The following TENM2 variants were observed in gnomAD, a reference collection of about 807,000 sequenced individuals.
TENM2 encodes teneurin-2.
A neutral mutation model predicts 245.2 loss-of-function variants in TENM2; 52 were observed. The observed-to-expected ratio is 0.21, with a 90% confidence interval of 0.17 to 0.27. The LOEUF is 0.27. Among genes scored for constraint, TENM2 ranks in the 10% least tolerant of loss-of-function variants. The pLI is 1.00. For synonymous variants in TENM2, 1,363 were observed against 1,438.9 expected (o/e 0.95, Z 1.19); for missense variants, 3,046 against 3,666.8 (o/e 0.83, Z 4.37).
At chr5:167,040,988 G>A in the TENM2 span, among the ~76,000 whole-genome samples, 1 of 152,248 alleles carries the variant, frequency 6.6e-6, no homozygotes, top group African/African-American at 2.4e-5. Flanking sequence ...GTTTTGAATG[G>A]CCCTTAGGTT....
At chr5:167,681,104 C>G (rs1756675403) in intron 2 of TENM2, among the ~76,000 whole-genome samples, 1 of 152,176 alleles carries the variant, frequency 6.6e-6, no homozygotes, top group Admixed American at 6.6e-5. Flanking sequence ...AATTTTTACT[C>G]TATAATTATA....
chr5:167,847,022 T>A (rs986001882), intron 2 of TENM2, among the ~76,000 whole-genome samples: 1 of 152,170 alleles, frequency 6.6e-6, no homozygotes, highest in African/African-American at 2.4e-5. Flanking sequence ...AGTGGTGTGA[T>A]CAAGGCTCAC....
chr5:167,873,209 A>G (rs1187312603), intron 2 of TENM2, among the ~76,000 whole-genome samples: 1 of 152,248 alleles, frequency 6.6e-6, no homozygotes, highest in Non-Finnish European at 1.5e-5. Context: ...CAAAATTACA[A>G]GAAAAACTTT....
At chr5:167,034,423 G>T in the TENM2 span, among the ~76,000 whole-genome samples, 3 of 152,128 alleles carry the variant, frequency 2.0e-5, no homozygotes, top group Non-Finnish European at 4.4e-5. Flanking sequence ...GAGGTCAGGA[G>T]ATCGAGACCA....
chr5:168,061,338 A>G (rs1433676859), intron 6 of TENM2, among the ~76,000 whole-genome samples: 1 of 152,156 alleles, frequency 6.6e-6, no homozygotes, highest in Non-Finnish European at 1.5e-5. Flanking sequence ...GGGAAACCAC[A>G]CTTGGAAGTA....
At chr5:167,189,454 C>A in the TENM2 span, among the ~76,000 whole-genome samples, 1 of 151,992 alleles carries the variant, frequency 6.6e-6, no homozygotes, top group Non-Finnish European at 1.5e-5. Flanking sequence ...CAGTATGTTT[C>A]TTTTTTCTCT....
chr5:167,905,617 A>C (rs1039057410), intron 3 of TENM2, among the ~76,000 whole-genome samples: 12 of 152,218 alleles, frequency 7.9e-5, no homozygotes, highest in Admixed American at 2.6e-4. Context: ...TGTGTGGATG[A>C]GAAAACGAGG....
chr5:168,170,878 G>A (rs1313153130), intron 13 of TENM2, among the ~76,000 whole-genome samples: 2 of 152,212 alleles, frequency 1.3e-5, no homozygotes, highest in African/African-American at 2.4e-5. Flanking sequence ...TTCTCATGGA[G>A]TTAGAATCAA....
chr5:167,053,076 T>C, the TENM2 span, among the ~76,000 whole-genome samples: 1 of 152,190 alleles, frequency 6.6e-6, no homozygotes, highest in Non-Finnish European at 1.5e-5. Context: ...CTCTGTTTCA[T>C]GCTGGTTCCT....
chr5:167,278,157 A>T, the TENM2 span, among the ~76,000 whole-genome samples: 1 of 152,080 alleles, frequency 6.6e-6, no homozygotes, highest in Non-Finnish European at 1.5e-5. Context: ...TACACAAATT[A>T]TCCAGGCATG....
At chr5:168,054,873 T>C (rs1789408627) in intron 6 of TENM2, among the ~76,000 whole-genome samples, 1 of 152,220 alleles carries the variant, frequency 6.6e-6, no homozygotes, top group Admixed American at 6.5e-5. Flanking sequence ...CCCAGAAATC[T>C]CATCTCTAAG....
chr5:167,885,213 T>C (rs1339555084), intron 3 of TENM2, among the ~76,000 whole-genome samples: 2 of 152,244 alleles, frequency 1.3e-5, no homozygotes, highest in African/African-American at 4.8e-5. Flanking sequence ...CTTTTCATTC[T>C]TTGATGGTGT....
chr5:167,642,612 A>G (rs1779686221), intron 2 of TENM2, among the ~76,000 whole-genome samples: 2 of 152,176 alleles, frequency 1.3e-5, no homozygotes, highest in Non-Finnish European at 2.9e-5. Context: ...ATTGTTTCTT[A>G]TCATTCTTGT....
intron 3 of TENM2, among the ~76,000 whole-genome samples, chr5:167,912,676 A>G (rs1776641384): frequency 6.6e-6 from 1 of 152,280 alleles, no homozygotes; most frequent in Admixed American, 6.5e-5. Flanking sequence ...GGGCATGCCA[A>G]AAATGTCTGT....
At chr5:167,199,444 T>C in the TENM2 span, among the ~76,000 whole-genome samples, 4 of 152,198 alleles carry the variant, frequency 2.6e-5, no homozygotes, top group East Asian at 7.7e-4. Flanking sequence ...ATCCACTGAG[T>C]CTTCCTGGCC....
chr5:167,431,953 A>ATATATGTG, intron 2 of TENM2, among the ~76,000 whole-genome samples: 1 of 54,198 alleles, frequency 1.8e-5, no homozygotes, highest in African/African-American at 5.2e-5. Flanking sequence ...ATATATGTAT[A>ATATATGTG]TATATATGTA....
chr5:167,520,173 A>C (rs1045058944), intron 2 of TENM2, among the ~76,000 whole-genome samples: 3 of 152,196 alleles, frequency 2.0e-5, no homozygotes, highest in African/African-American at 7.2e-5. Flanking sequence ...GGAACTGTGC[A>C]GTTGAGTTTT....
chr5:168,256,291 A>G (rs911630655), intron 27 of TENM2, among the ~76,000 whole-genome samples: 1 of 151,526 alleles, frequency 6.6e-6, no homozygotes, highest in African/African-American at 2.4e-5. Context: ...CAAAGTTGAG[A>G]AACCAGTGCT....
downstream of TENM2, chr5:168,263,895 C>G (rs1320831595): frequency 6.6e-6 from 1 of 152,060 alleles, no homozygotes; most frequent in Non-Finnish European, 1.5e-5. Context: ...GAGACAATCA[C>G]ATGACAGTCA....
Sources: allele counts gnomAD v4.1 joint callset (sites outside exome capture counted in the v4.1 genomes callset), GRCh38; gene constraint gnomAD v4.1.1; transcripts MANE v1.5; gene names NCBI Gene and HGNC (gene_info 2026-07-23, HGNC 2026-07-21).